Variants in LDLRAD4 observed in about 807,000 individuals in gnomAD.
LDLRAD4 encodes low-density lipoprotein receptor class A domain-containing protein 4.
In LDLRAD4, 5 loss-of-function variants were observed where a neutral mutation model predicts 17.0. The ratio of observed to expected loss-of-function variants is 0.29; its 90% CI spans 0.15 to 0.62. The LOEUF (loss-of-function observed/expected upper bound fraction) is 0.62. LDLRAD4 is among the 20% of genes least tolerant of loss of function. The probability of loss-of-function intolerance (pLI) is 0.84; values close to 1 mark genes in which losing one functional copy is unlikely to be tolerated. For synonymous variants in LDLRAD4, 168 were observed against 171.8 expected (o/e 0.98, Z 0.17); for missense variants, 340 against 424.7 (o/e 0.80, Z 1.75).
At chr18:13,460,526 A>T (rs1195824895) in intron 3 of LDLRAD4, among the ~76,000 whole-genome samples, 1 of 152,230 alleles carries the variant, frequency 6.6e-6, no homozygotes, top group African/African-American at 2.4e-5. Flanking sequence ...ATTAGAGTGG[A>T]CCCATGTCAT....
chr18:13,405,198 A>C (rs1475245357), intron 2 of LDLRAD4, among the ~76,000 whole-genome samples: 1 of 152,090 alleles, frequency 6.6e-6, no homozygotes, highest in Admixed American at 6.5e-5. Context: ...TGCTGTGCTG[A>C]GTACTTCATA....
chr18:13,646,500 A>G (rs1328507198), exon 6 of LDLRAD4: 3 of 152,264 alleles, frequency 2.0e-5, no homozygotes, highest in African/African-American at 7.2e-5. Flanking sequence ...GGAAGATAAG[A>G]TAGGGAAGAT....
intron 3 of LDLRAD4, chr18:13,500,513 T>C (rs551538094): frequency 2.0e-5 from 3 of 152,368 alleles, no homozygotes; most frequent in African/African-American, 7.2e-5. Context: ...GGCAGCGTTA[T>C]TCCCAGCTCC....
At chr18:13,506,179 A>T in intron 3 of LDLRAD4, among the ~76,000 whole-genome samples, 1 of 151,386 alleles carries the variant, frequency 6.6e-6, no homozygotes, top group South Asian at 2.1e-4. Flanking sequence ...CAGGAGTCTC[A>T]CTGCAGCCTG....
At chr18:13,244,694 T>G in intron 1 of LDLRAD4, among the ~76,000 whole-genome samples, 1 of 152,126 alleles carries the variant, frequency 6.6e-6, no homozygotes, top group Admixed American at 6.5e-5. Flanking sequence ...TCCTTCCCTC[T>G]TCCCCCAAGA....
intron 1 of LDLRAD4, among the ~76,000 whole-genome samples, chr18:13,292,289 G>A (rs1007869295): frequency 1.3e-5 from 2 of 152,184 alleles, no homozygotes; most frequent in Non-Finnish European, 2.9e-5. Context: ...GTGGGCTGCT[G>A]GCACAATGCC....
intron 3 of LDLRAD4, among the ~76,000 whole-genome samples, chr18:13,595,152 T>G (rs569614195): frequency 6.6e-6 from 1 of 152,268 alleles, no homozygotes; most frequent in Admixed American, 6.5e-5. Flanking sequence ...TAAAGATTTC[T>G]TAATTTTTTC....
At chr18:13,244,143 CCCA>C (rs2042838573) in intron 1 of LDLRAD4, among the ~76,000 whole-genome samples, 1 of 112,440 alleles carries the variant, frequency 8.9e-6, no homozygotes, top group African/African-American at 3.1e-5. Context: ...CACCCACCCA[CCCA>C]TTCTTTCCTC....
intron 1 of LDLRAD4, among the ~76,000 whole-genome samples, chr18:13,298,347 C>G (rs373683241): frequency 1.3e-5 from 2 of 149,732 alleles, no homozygotes; most frequent in East Asian, 2.0e-4. Flanking sequence ...TGGACCTGCT[C>G]TAGGCACAGT....
At chr18:13,568,985 A>G (rs936510410) in intron 3 of LDLRAD4, among the ~76,000 whole-genome samples, 2 of 152,048 alleles carry the variant, frequency 1.3e-5, no homozygotes, top group African/African-American at 4.8e-5. Flanking sequence ...CCTCTACCCA[A>G]TGTGATGTTT....
At chr18:13,343,643 C>T (rs926592731) in intron 1 of LDLRAD4, among the ~76,000 whole-genome samples, 30 of 152,104 alleles carry the variant, frequency 2.0e-4, no homozygotes, top group Non-Finnish European at 4.1e-4. Context: ...TTCTAGATCC[C>T]TGAGGAATCG....
intron 3 of LDLRAD4, among the ~76,000 whole-genome samples, chr18:13,518,929 C>G (rs1302596863): frequency 6.6e-6 from 1 of 152,096 alleles, no homozygotes; most frequent in African/African-American, 2.4e-5. Flanking sequence ...GAATTTATTC[C>G]TAGTTCACCA....
chr18:13,391,383 T>C (rs886109225), intron 2 of LDLRAD4, among the ~76,000 whole-genome samples: 3 of 152,136 alleles, frequency 2.0e-5, no homozygotes, highest in Non-Finnish European at 4.4e-5. Context: ...GGTGGGAGTT[T>C]GGAAGGCCCC....
intron 3 of LDLRAD4, among the ~76,000 whole-genome samples, chr18:13,574,926 A>G (rs2148382917): frequency 6.6e-6 from 1 of 152,326 alleles, no homozygotes; most frequent in South Asian, 2.1e-4. Flanking sequence ...TCTCCTCCTT[A>G]CAGCACAGGC....
Position 13,645,338 on chromosome 18 carries a change from A to G in LDLRAD4, c.602A>G (p.Asn201Ser), listed in dbSNP as rs771987540. 1.2e-6 allele frequency: 2 copies of G among 1,614,194 alleles called. No homozygotes were observed. Among genetic ancestry groups the G allele is most frequent in the East Asian group, 2.2e-5 (1 of 44,882 alleles). The change falls in exon 6 of 6, where the codon AAC becomes AGC. Residue 201 changes from asparagine (N) to serine (S), a missense_variant. Transcript: ENST00000359446. This position sits in a 1 kb window ranked among gnomAD's most constrained non-coding sequence, Gnocchi z 5.7. ...GACCCTGAACAGCAGATGGAACTCA[A>G]CCGAGAGTCCGTGAGGGCCCCACCC... is the stretch of plus-strand genomic sequence containing the variant.
chr18:13,316,406 G>A (rs1442053143), intron 1 of LDLRAD4, among the ~76,000 whole-genome samples: 2 of 152,110 alleles, frequency 1.3e-5, no homozygotes, highest in Non-Finnish European at 1.5e-5. Flanking sequence ...TCAGACAAAC[G>A]GAATCAGACA....
chr18:13,321,177 G>C (rs1413630899), intron 1 of LDLRAD4, among the ~76,000 whole-genome samples: 1 of 152,128 alleles, frequency 6.6e-6, no homozygotes, highest in Non-Finnish European at 1.5e-5. Flanking sequence ...CAGACAGGCT[G>C]CCTGCTGCAG....
chr18:13,257,828 A>G (rs1294313110), intron 1 of LDLRAD4, among the ~76,000 whole-genome samples: 1 of 152,210 alleles, frequency 6.6e-6, no homozygotes, highest in Admixed American at 6.5e-5. Flanking sequence ...GTCCAACCCA[A>G]TGTGTCTGTC....
chr18:13,361,160 C>T (rs1234882101), intron 1 of LDLRAD4, among the ~76,000 whole-genome samples: 1 of 152,148 alleles, frequency 6.6e-6, no homozygotes, highest in Non-Finnish European at 1.5e-5. Context: ...CTTCTACAAG[C>T]TCCGCCTCCT....
Sources: allele counts gnomAD v4.1 joint callset (sites outside exome capture counted in the v4.1 genomes callset), GRCh38; gene constraint gnomAD v4.1.1; non-coding constraint Gnocchi (gnomAD v3.1); transcripts MANE v1.5; gene names NCBI Gene and HGNC (gene_info 2026-07-23, HGNC 2026-07-21).